Variants in MAGEA8 observed in about 807,000 individuals in gnomAD.
MAGEA8 encodes MAGE family member A8.
For missense variants in MAGEA8, 229 were observed against 251.1 expected, an observed-to-expected ratio of 0.91 and a Z score of 0.59; for synonymous variants, 104 against 102.6, an observed-to-expected ratio of 1.01 and a Z score of -0.08.
At chrX:149,883,751 C>A (rs1246364595) in intron 1 of MAGEA8, 1 of 113,861 alleles carries the variant, frequency 8.8e-6, no homozygotes, top group Non-Finnish European at 1.8e-5. Context: ...GGCTCACCCT[C>A]CTGACAGCAC....
chrX:149,882,862 T>C (rs1557370700), intron 1 of MAGEA8, among the ~76,000 whole-genome samples: 1 of 111,157 alleles, frequency 9.0e-6, no homozygotes, highest in East Asian at 2.8e-4. Flanking sequence ...GTGTCACCCC[T>C]GGACACCCCA....
rs2090745996 is a variant in MAGEA8, at chrX:149,884,135, G to A, written c.-64+1G>A. 1.4e-5 allele frequency: 7 copies of A among 496,951 alleles called. No homozygotes were observed. Among genetic ancestry groups the A allele is most frequent in the Non-Finnish European group, 2.1e-5 (6 of 287,158 alleles). 41.0% of individuals were successfully genotyped at this position (496,951 alleles called of 1,213,427 possible). On this transcript the variant is annotated splice_donor_variant, in intron 2 of 2. Transcript: ENST00000286482. LOFTEE classifies it low-confidence loss of function (5UTR_SPLICE). ...CCCAGAGAAGCACTGAAGAAGACCT[G>A]TAAGTAGACCTTTGTTAGGGCATCC...
rs2090756344 is a variant in MAGEA8 at position 149,885,240 on chromosome X, C to T, written c.*11C>T. The stretch of plus-strand genomic sequence containing the variant: ...GAGAAAGGAGTTTGAGCAGGAGTTG[C>T]AGCTAGGGCCAGTGGGGCAGGTTGT... On this transcript the variant is annotated 3_prime_UTR_variant, in exon 3 of 3. Transcript: ENST00000286482. 8.7e-7 allele frequency: 1 copy of T among 1,154,407 alleles called. No individual in the cohort carries two copies. The highest frequency in any genetic ancestry group is 1.2e-6 in the Non-Finnish European group (1 of 857,892).
rs892483601 is a variant in MAGEA8 at position 149,881,194 on chromosome X, C to T, written c.-217C>T. 9.0e-5 allele frequency: 10 copies of T among 111,452 alleles called. No homozygotes were observed. The Admixed American group carries it at 9.4e-4, about 10-fold the overall frequency. 9.2% of individuals were successfully genotyped at this position (111,452 alleles called of 1,213,427 possible). On this transcript the variant is annotated 5_prime_UTR_variant, in exon 1 of 3. Transcript: ENST00000286482. ...ACGGATGTGACGCCACTGACGTGGC[C>T]GCGGGGATCAGAGAGAAGCGAGGGC...
At chrX:149,881,987 G>A (rs1557370613) in intron 1 of MAGEA8, among the ~76,000 whole-genome samples, 1 of 106,822 alleles carries the variant, frequency 9.4e-6, no homozygotes, top group African/African-American at 3.4e-5. Context: ...TCTCAGCCTT[G>A]GGAAGTCCCA....
At chrX:149,881,673 T>TGGCGGCCGGGCATGG (rs1557370550) in intron 1 of MAGEA8, among the ~76,000 whole-genome samples, 10 of 65,865 alleles carry the variant, frequency 1.5e-4, no homozygotes, top group South Asian at 1.2e-3. Flanking sequence ...GCGGCCGGGC[T>TGGCGGCCGGGCATGG]CGCTGATTCT....
chrX:149,885,415 G>T lies in MAGEA8; in HGVS notation c.*186G>T. The T allele has an allele frequency of 2.6e-6, 1 of 390,780 alleles. No individual in the cohort carries two copies. The highest frequency in any genetic ancestry group is 4.0e-5 in the East Asian group (1 of 25,307). 32.2% of individuals were successfully genotyped at this position (390,780 alleles called of 1,213,427 possible). A position where few individuals can be genotyped will look rare whatever the true frequency, so the allele number is the denominator to read the frequency against. On this transcript the variant is annotated 3_prime_UTR_variant, in exon 3 of 3. Transcript: ENST00000286482. ...TGTTGGGTGTGAGGGAACACAGTGT[G>T]GACCATCTCTCAGTTCCTGTTCTAT...
At position 149,885,248 on chromosome X, in the gene MAGEA8, G is replaced by T; in HGVS notation, c.*19G>T. 1 of 1,137,851 alleles carries T rather than the reference G, an allele frequency of 8.8e-7. No homozygotes were observed. Among genetic ancestry groups the T allele is most frequent in the Admixed American group, 2.4e-5 (1 of 41,063 alleles). The allele number at this position is 1,137,851 out of a possible 1,213,427, so 93.8% of individuals were successfully genotyped here. A position where few individuals can be genotyped will look rare whatever the true frequency, so the allele number is the denominator to read the frequency against. ...AGTTTGAGCAGGAGTTGCAGCTAGG[G>T]CCAGTGGGGCAGGTTGTGGGAGGGC... is the stretch of plus-strand genomic sequence containing the variant. On this transcript the variant is annotated 3_prime_UTR_variant, in exon 3 of 3. Coordinates refer to ENST00000286482, the MANE Select transcript of MAGEA8 (RefSeq NM_005364.5).
chrX:149,884,598 G>T lies in MAGEA8; in HGVS notation c.326G>T (p.Arg109Leu), dbSNP rs782570321. 3 of 1,209,180 alleles carry T rather than the reference G, an allele frequency of 2.5e-6. No individual in the cohort carries two copies. The Admixed American group carries it at 6.5e-5, about 26-fold the overall frequency. Residue 109 changes from arginine (R) to leucine (L), a missense_variant, in exon 3 of 3, where the codon CGG becomes CTG. By Grantham distance (102) the Arg-to-Leu change is moderately radical. Transcript: ENST00000286482. ...CCAGCTCACCTGGAGTCCCTGTTCC[G>T]GGAAGCACTTGATGAGAAAGTGGCT... is the stretch of plus-strand genomic sequence containing the variant. ...PDPAHLESLF[R>L]EALDEKVAEL...
chrX:149,884,299 C>A lies in MAGEA8; in HGVS notation c.27C>A (p.Arg9=). MLLGQKSQ[R]YKAEEGLQAQ... ...TGCTTCTTGGGCAGAAGAGTCAGCG[C>A]TACAAGGCTGAGGAAGGCCTTCAGG... is the stretch of plus-strand genomic sequence containing the variant. The change falls in exon 3 of 3, where the codon CGC becomes CGA. Residue 9 remains arginine, a synonymous_variant. Coordinates refer to ENST00000286482, the MANE Select transcript of MAGEA8 (RefSeq NM_005364.5). 1.7e-6 allele frequency: 2 copies of A among 1,201,459 alleles called. No homozygotes were observed. Among genetic ancestry groups the A allele is most frequent in the Non-Finnish European group, 2.2e-6 (2 of 890,137 alleles).
chrX:149,882,057 A>G (rs149693737), intron 1 of MAGEA8, among the ~76,000 whole-genome samples: 4,062 of 110,945 alleles, frequency 0.037, 202 homozygotes, highest in African/African-American at 0.13. Context: ...GAAAGGAGAC[A>G]GCTGTGGTCT....
At chrX:149,882,071 G>A (rs1273023433) in intron 1 of MAGEA8, among the ~76,000 whole-genome samples, 1 of 110,877 alleles carries the variant, frequency 9.0e-6, no homozygotes, top group Non-Finnish European at 1.9e-5. Context: ...GTGGTCTGAG[G>A]AGTGGAGTCT....
At chrX:149,881,724 G>C (rs953047287) in intron 1 of MAGEA8, among the ~76,000 whole-genome samples, 1 of 107,897 alleles carries the variant, frequency 9.3e-6, no homozygotes, top group Non-Finnish European at 1.9e-5. Flanking sequence ...GGGGCTTCAT[G>C]AGCACGGACT....
intron 1 of MAGEA8, among the ~76,000 whole-genome samples, chrX:149,881,667 C>CCGGGCCG (rs2090730590): frequency 9.8e-6 from 1 of 101,649 alleles, no homozygotes; most frequent in Non-Finnish European, 2.1e-5. Context: ...GGCATGGCGG[C>CCGGGCCG]CGGGCTCGCT....
chrX:149,885,233 G>C lies in MAGEA8; in HGVS notation c.*4G>C. On this transcript the variant is annotated 3_prime_UTR_variant, in exon 3 of 3. Coordinates refer to ENST00000286482, the MANE Select transcript of MAGEA8 (RefSeq NM_005364.5). Reference sequence around the variant, plus strand: ...GGGAGAGGAGAAAGGAGTTTGAGCAGGAGTTGCAGCTAGGGCCAGTGGGGC... The same window carrying C: ...GGGAGAGGAGAAAGGAGTTTGAGCACGAGTTGCAGCTAGGGCCAGTGGGGC... 1 of 1,174,097 alleles carries C rather than the reference G, an allele frequency of 8.5e-7. No individual in the cohort carries two copies. Among genetic ancestry groups the C allele is most frequent in the South Asian group, 2.0e-5 (1 of 50,969 alleles).
rs181715136 is a variant in MAGEA8, at chrX:149,884,429, G to C, written c.157G>C (p.Val53Leu). The C allele has an allele frequency of 1.7e-6, 2 of 1,211,526 alleles. No individual in the cohort carries two copies. Among genetic ancestry groups the C allele is most frequent in the Non-Finnish European group, 2.2e-6 (2 of 895,267 alleles). ...STLIMGTLEE[V>L]TDSGSPSPPQ... ...TCTGATCATGGGAACCCTTGAGGAG[G>C]TGACTGATTCTGGGTCACCAAGTCC... is the stretch of plus-strand genomic sequence containing the variant. Residue 53 changes from valine to leucine, a missense_variant, in exon 3 of 3, where the codon GTG becomes CTG. Val to Leu is a conservative substitution (Grantham distance 32). Coordinates refer to ENST00000286482, the MANE Select transcript of MAGEA8 (RefSeq NM_005364.5).
chrX:149,884,046 G>T (rs781797648), intron 1 of MAGEA8, 27 bp from the exon 2 acceptor site: 8 of 386,588 alleles, frequency 2.1e-5, no homozygotes, highest in African/African-American at 1.5e-4. Context: ...GCTGCACCCT[G>T]AGATGCCCTC....
chrX:149,885,413 G>A lies in MAGEA8; in HGVS notation c.*184G>A. The stretch of plus-strand genomic sequence containing the variant: ...CATGTTGGGTGTGAGGGAACACAGT[G>A]TGGACCATCTCTCAGTTCCTGTTCT... On this transcript the variant is annotated 3_prime_UTR_variant, in exon 3 of 3. Coordinates refer to ENST00000286482, the MANE Select transcript of MAGEA8 (RefSeq NM_005364.5). The A allele has an allele frequency of 2.5e-6, 1 of 394,157 alleles. No individual in the cohort carries two copies. The highest frequency in any genetic ancestry group is 7.4e-5 in the South Asian group (1 of 13,449). The allele number at this position is 394,157 out of a possible 1,213,427, so 32.5% of individuals were successfully genotyped here.
In MAGEA8 at chrX:149,884,667, C is replaced by G. The variant is rs202093574; in HGVS notation, c.395C>G (p.Pro132Arg). 7.4e-6 allele frequency: 9 copies of G among 1,211,290 alleles called. No homozygotes were observed. The East Asian group carries it at 1.2e-4, about 16-fold the overall frequency. Residue 132 changes from proline to arginine, a missense_variant, in exon 3 of 3, where the codon CCG becomes CGG. By Grantham distance (103) the Pro-to-Arg change is moderately radical. Transcript: ENST00000286482. The stretch of plus-strand genomic sequence containing the variant: ...CTCCGCAAATATCAAATTAAGGAGC[C>G]GGTCACAAAGGCAGAAATGCTTGAG... ...FLLRKYQIKE[P>R]VTKAEMLESV...
Sources: gnomAD v4.1 joint callset for allele counts (sites outside exome capture counted in the v4.1 genomes callset) on GRCh38, gnomAD v4.1.1 for gene constraint, MANE v1.5 for transcripts, NCBI Gene and HGNC (gene_info 2026-07-23, HGNC 2026-07-21) for gene names.